WWOX: variants seen among roughly 807,000 people sequenced by gnomAD.
The protein encoded by WWOX is WW domain containing oxidoreductase.
WWOX carries 69 observed loss-of-function variants against 46.2 expected under a neutral mutation model. The observed-to-expected ratio is 1.49, with a 90% CI of 1.23 to 1.82. WWOX has a LOEUF of 1.82. WWOX is among the 40% of genes most tolerant of loss of function. The pLI is 0.00. For missense variants in WWOX, 919 were observed against 542.6 expected (o/e 1.69, Z -6.89); for synonymous variants, 359 against 202.6 (o/e 1.77, Z -6.56).
chr16:78,357,797 A>G (rs1299383174), intron 5 of WWOX, among the ~76,000 whole-genome samples: 1 of 152,058 alleles, frequency 6.6e-6, no homozygotes, highest in Non-Finnish European at 1.5e-5. Context: ...AATTATTCCC[A>G]TTTCACCCGA....
intron 8 of WWOX, among the ~76,000 whole-genome samples, chr16:79,092,078 G>C (rs747011458): frequency 6.6e-6 from 1 of 152,092 alleles, no homozygotes; most frequent in Non-Finnish European, 1.5e-5. Flanking sequence ...ACCGCACCGG[G>C]CCTCACGTTT....
chr16:79,032,272 A>G (rs1481722595), intron 8 of WWOX, among the ~76,000 whole-genome samples: 1 of 146,342 alleles, frequency 6.8e-6, no homozygotes, highest in African/African-American at 2.5e-5. Flanking sequence ...TACATAATAT[A>G]TACATAATAT....
intron 8 of WWOX, among the ~76,000 whole-genome samples, chr16:78,975,225 C>G (rs945019050): frequency 6.6e-6 from 1 of 152,188 alleles, no homozygotes; most frequent in South Asian, 2.1e-4. Flanking sequence ...TTCAAGGGTT[C>G]TCAGATGGGA....
At chr16:78,885,527 A>G (rs2044436922) in intron 8 of WWOX, among the ~76,000 whole-genome samples, 1 of 152,208 alleles carries the variant, frequency 6.6e-6, no homozygotes, top group African/African-American at 2.4e-5. Context: ...CAGTGAAACT[A>G]ATTATGGGCA....
chr16:78,282,870 C>T lies in WWOX; in HGVS notation c.517-103990C>T, dbSNP rs755994667. ...TCCAGCCTGAGTGACAAGAGCAACA[C>T]TCCATCTCAAAAAAAAAAAAAAAAA... is the stretch of plus-strand genomic sequence containing the variant. On this transcript the variant is annotated intron_variant, in intron 5 of 8. Transcript: ENST00000566780. Among the ~76,000 whole-genome samples the T allele has an allele frequency of 1.2e-4, 14 of 113,120 alleles. No homozygotes were observed. The Admixed American group carries it at 1.3e-3, about 11-fold the overall frequency. 74.2% of individuals were successfully genotyped at this position (113,120 alleles called of 152,430 possible).
intron 5 of WWOX, among the ~76,000 whole-genome samples, chr16:78,219,567 A>G (rs1337597284): frequency 1.3e-5 from 2 of 152,192 alleles, no homozygotes; most frequent in Non-Finnish European, 2.9e-5. Flanking sequence ...CTTGTCTCCT[A>G]TGATTACATT....
intron 5 of WWOX, among the ~76,000 whole-genome samples, chr16:78,248,361 C>T (rs927548587): frequency 3.3e-5 from 5 of 152,286 alleles, no homozygotes; most frequent in East Asian, 1.9e-4. Flanking sequence ...ACACAGCATA[C>T]GTGCTAAACC....
At chr16:78,709,584 A>G (rs566463172) in intron 8 of WWOX, among the ~76,000 whole-genome samples, 1 of 152,260 alleles carries the variant, frequency 6.6e-6, no homozygotes, top group Non-Finnish European at 1.5e-5. Context: ...TGCCCTGCTA[A>G]GGGGTTTTCA....
At chr16:78,559,242 G>A (rs1380118894) in intron 8 of WWOX, among the ~76,000 whole-genome samples, 1 of 152,184 alleles carries the variant, frequency 6.6e-6, no homozygotes, top group East Asian at 1.9e-4. Context: ...CACATAATAA[G>A]GGGACCATGC....
At chr16:78,814,457 A>C (rs1391194058) in intron 8 of WWOX, among the ~76,000 whole-genome samples, 1 of 151,950 alleles carries the variant, frequency 6.6e-6, no homozygotes, top group South Asian at 2.1e-4. Flanking sequence ...GAAACTACCA[A>C]GAAGCCTCTC....
rs372793625 is a variant in WWOX at position 78,177,311 on chromosome 16, G to A, written c.516+13022G>A. ...TTTTAATTTATCCAACATCTATTAC[G>A]TGCTAGGTGGTAGAGTGGGTGACAC... On this transcript the variant is annotated intron_variant, in intron 5 of 8. Coordinates refer to ENST00000566780, the MANE Select transcript of WWOX (RefSeq NM_016373.4). Among the ~76,000 whole-genome samples, 18 of 152,200 alleles carry A rather than the reference G, an allele frequency of 1.2e-4. 1 individual carries two copies. Among genetic ancestry groups the A allele is most frequent in the East Asian group, 1.2e-3 (6 of 5,186 alleles).
intron 8 of WWOX, among the ~76,000 whole-genome samples, chr16:78,742,824 G>C (rs996891973): frequency 1.3e-5 from 2 of 152,178 alleles, no homozygotes; most frequent in African/African-American, 4.8e-5. Flanking sequence ...ACTTGAAATT[G>C]TCCAGTGAAC....
chr16:78,580,107 T>C (rs949298274), intron 8 of WWOX, among the ~76,000 whole-genome samples: 1 of 151,152 alleles, frequency 6.6e-6, no homozygotes, highest in Non-Finnish European at 1.5e-5. Flanking sequence ...CGAGTCTTGC[T>C]CTGTCACCCA....
At chr16:78,844,003 C>G (rs1264958598) in intron 8 of WWOX, among the ~76,000 whole-genome samples, 1 of 152,106 alleles carries the variant, frequency 6.6e-6, no homozygotes, top group East Asian at 1.9e-4. Context: ...ATTCAACATG[C>G]TCTGAGAATA....
At chr16:78,772,972 C>G (rs906828461) in intron 8 of WWOX, among the ~76,000 whole-genome samples, 6 of 152,204 alleles carry the variant, frequency 3.9e-5, no homozygotes, top group Admixed American at 6.5e-5. Flanking sequence ...CTGCAGAAAG[C>G]TGTCATCATG....
At chr16:78,698,096 T>C (rs1016706139) in intron 8 of WWOX, among the ~76,000 whole-genome samples, 1 of 152,240 alleles carries the variant, frequency 6.6e-6, no homozygotes, top group African/African-American at 2.4e-5. Context: ...TCATCATGTA[T>C]ATATTTTCAA....
chr16:78,668,853 C>T (rs928559992), intron 8 of WWOX, among the ~76,000 whole-genome samples: 4 of 152,166 alleles, frequency 2.6e-5, no homozygotes, highest in Non-Finnish European at 4.4e-5. Context: ...TGATGAGACA[C>T]GTGGTGTTCA....
intron 5 of WWOX, among the ~76,000 whole-genome samples, chr16:78,348,779 G>A (rs2081136704): frequency 8.2e-6 from 1 of 121,252 alleles, no homozygotes; most frequent in African/African-American, 2.8e-5. Context: ...CTTAAATTCA[G>A]AAATTGGGAA....
intron 8 of WWOX, among the ~76,000 whole-genome samples, chr16:78,492,180 C>A (rs939536876): frequency 1.3e-5 from 2 of 152,084 alleles, no homozygotes; most frequent in African/African-American, 4.8e-5. Flanking sequence ...GCAGATAGTT[C>A]CATTAGGTGA....
Sources: allele counts gnomAD v4.1 joint callset (sites outside exome capture counted in the v4.1 genomes callset), GRCh38; gene constraint gnomAD v4.1.1; transcripts MANE v1.5; gene names NCBI Gene and HGNC (gene_info 2026-07-23, HGNC 2026-07-21).